NEDD9: variants seen among roughly 807,000 people sequenced by gnomAD.
The protein encoded by NEDD9 is enhancer of filamentation 1.
In NEDD9, 26 loss-of-function variants were observed where a neutral mutation model predicts 76.6. That is an observed-to-expected ratio of 0.34 (90% CI 0.25 to 0.47). NEDD9 has a LOEUF of 0.47. NEDD9 is among the 20% of genes least tolerant of loss of function. The pLI is 1.00. For missense variants in NEDD9, 937 were observed against 1,058.5 expected (o/e 0.89, Z 1.59); for synonymous variants, 392 against 414.2 (o/e 0.95, Z 0.65).
At chr6:11,228,390 C>T (rs946053344) in intron 1 of NEDD9, among the ~76,000 whole-genome samples, 139 of 152,182 alleles carry the variant, frequency 9.1e-4, no homozygotes, top group African/African-American at 3.1e-3. Context: ...CTTATCCAGG[C>T]ATGGTGGTGG....
Position 11,190,383 on chromosome 6 carries a change from G to C in NEDD9, c.1486C>G (p.His496Asp), listed in dbSNP as rs146062492. ...KRELQRVEDS[H>D]QILSQTSHDL... ...TGGCTGGTTTGACTCAGGATCTGGT[G>C]GGAGTCTTCAACTCGTTGCAGCTCC... Residue 496 changes from histidine to aspartate, a missense_variant, in exon 5 of 7, where the codon CAC becomes GAC. Physicochemically the swap from His to Asp is moderately conservative, Grantham distance 81. Transcript: ENST00000379446. This position sits in a 1 kb window ranked among gnomAD's most constrained non-coding sequence, Gnocchi z 5.8. 1.4e-5 allele frequency: 23 copies of C among 1,614,076 alleles called. No homozygotes were observed. The African/African-American group carries it at 2.7e-4, about 19-fold the overall frequency.
chr6:11,315,747 T>A (rs1761533446), intron 2 of NEDD9, among the ~76,000 whole-genome samples: 1 of 152,240 alleles, frequency 6.6e-6, no homozygotes, highest in East Asian at 1.9e-4. Context: ...TCCTTTGTTG[T>A]AAATGGGCAA....
intron 3 of NEDD9, among the ~76,000 whole-genome samples, chr6:11,303,580 C>G (rs1761107841): frequency 6.6e-6 from 1 of 152,054 alleles, no homozygotes; most frequent in African/African-American, 2.4e-5. Flanking sequence ...CTAGAGTAAC[C>G]AAAACAGCAT....
At chr6:11,225,178 T>C (rs575496850) in intron 1 of NEDD9, among the ~76,000 whole-genome samples, 1 of 152,254 alleles carries the variant, frequency 6.6e-6, no homozygotes. Flanking sequence ...TCAAATATTT[T>C]TGTTGCTTGA....
intron 2 of NEDD9, chr6:11,199,635 A>ATATTTT (rs1758379324): frequency 1.0e-5 from 1 of 99,228 alleles, no homozygotes; most frequent in Non-Finnish European, 2.1e-5. Flanking sequence ...GCTAGGAAAG[A>ATATTTT]TCTTTTTTTT....
At position 11,262,700 on chromosome 6, in the gene NEDD9, G is replaced by A. The variant is rs535556864; in HGVS notation, c.12+43292C>T. Among the ~76,000 whole-genome samples the A allele has an allele frequency of 2.2e-4, 34 of 152,282 alleles. 1 individual carries two copies. The South Asian group carries it at 6.8e-3, about 31-fold the overall frequency. ...TCAGAAAGCCAAAATAGAAAAGTCTGAGTTAAACACAGTATACATTCATTA... is the reference window on the plus strand; with the variant it reads ...TCAGAAAGCCAAAATAGAAAAGTCTAAGTTAAACACAGTATACATTCATTA... On this transcript the variant is annotated intron_variant, in intron 3 of 3. Coordinates refer to the NEDD9 transcript ENST00000397378.
chr6:11,318,438 C>T (rs1761644325), intron 2 of NEDD9, among the ~76,000 whole-genome samples: 1 of 152,058 alleles, frequency 6.6e-6, no homozygotes, highest in Non-Finnish European at 1.5e-5. Flanking sequence ...GGGGAGACGG[C>T]GGGTCACTGC....
At chr6:11,246,120 C>T (rs1466264089) in intron 3 of NEDD9, among the ~76,000 whole-genome samples, 1 of 152,144 alleles carries the variant, frequency 6.6e-6, no homozygotes, top group Non-Finnish European at 1.5e-5. Context: ...ATACTGCTAA[C>T]ACAATGATAA....
chr6:11,366,301 A>AGGAAGGAAGGAAGGAAGGAG, intron 1 of NEDD9, among the ~76,000 whole-genome samples: 1 of 128,206 alleles, frequency 7.8e-6, no homozygotes, highest in African/African-American at 2.7e-5. Flanking sequence ...GAAGGAAAGA[A>AGGAAGGAAGGAAGGAAGGAG]AGAAAGAAAG....
intron 3 of NEDD9, among the ~76,000 whole-genome samples, chr6:11,245,759 T>C (rs1759794529): frequency 1.3e-5 from 2 of 152,228 alleles, no homozygotes; most frequent in Admixed American, 1.3e-4. Context: ...GGAAATACTT[T>C]AGCACATTTT....
At chr6:11,232,466 T>G in intron 1 of NEDD9, 38 bp downstream of exon 1, 1 of 1,613,866 alleles carries the variant, frequency 6.2e-7, no homozygotes, top group South Asian at 1.1e-5. Flanking sequence ...GGCACAGCTT[T>G]CAGCTTGCAA....
intron 1 of NEDD9, among the ~76,000 whole-genome samples, chr6:11,220,944 G>T (rs1471435048): frequency 2.0e-5 from 3 of 152,194 alleles, no homozygotes; most frequent in African/African-American, 7.2e-5. Flanking sequence ...TTAGTAGGCA[G>T]ATTTGCATAT....
chr6:11,310,555 T>C (rs1386519734), intron 2 of NEDD9, among the ~76,000 whole-genome samples: 1 of 152,126 alleles, frequency 6.6e-6, no homozygotes, highest in Non-Finnish European at 1.5e-5. Context: ...TAGACCCTTG[T>C]TACTGTCAGG....
intron 2 of NEDD9, among the ~76,000 whole-genome samples, chr6:11,313,165 G>A (rs1246918809): frequency 1.3e-5 from 2 of 152,032 alleles, no homozygotes; most frequent in Non-Finnish European, 2.9e-5. Flanking sequence ...TGGTGGATGG[G>A]TAGATAGATG....
At chr6:11,352,835 T>C (rs1342642720) in intron 1 of NEDD9, 1 of 152,266 alleles carries the variant, frequency 6.6e-6, no homozygotes. Context: ...GCTTTTCTAC[T>C]TATAATCTGG....
chr6:11,347,092 G>C (rs981797319), intron 1 of NEDD9, among the ~76,000 whole-genome samples: 2 of 152,122 alleles, frequency 1.3e-5, no homozygotes, highest in African/African-American at 4.8e-5. Flanking sequence ...TCAGGTCCTT[G>C]TGTTTCCACC....
chr6:11,294,461 T>C (rs1374687413), intron 3 of NEDD9, among the ~76,000 whole-genome samples: 2 of 152,018 alleles, frequency 1.3e-5, no homozygotes, highest in Non-Finnish European at 1.5e-5. Flanking sequence ...ACTTCCCCCT[T>C]TGCTCTCTCC....
At chr6:11,254,683 G>A (rs1245700567) in intron 3 of NEDD9, among the ~76,000 whole-genome samples, 1 of 152,180 alleles carries the variant, frequency 6.6e-6, no homozygotes, top group South Asian at 2.1e-4. Flanking sequence ...TCTGGAGCAA[G>A]AGGAGAAATC....
intron 3 of NEDD9, among the ~76,000 whole-genome samples, chr6:11,282,938 TGA>T (rs1270042068): frequency 3.3e-5 from 5 of 152,288 alleles, no homozygotes; most frequent in Admixed American, 2.0e-4. Flanking sequence ...AAAGTCGTTA[TGA>T]TCACCTACAA....
Sources: gnomAD v4.1 joint callset for allele counts (sites outside exome capture counted in the v4.1 genomes callset) on GRCh38, gnomAD v4.1.1 for gene constraint, Gnocchi (gnomAD v3.1) non-coding constraint, MANE v1.5 for transcripts, NCBI Gene and HGNC (gene_info 2026-07-23, HGNC 2026-07-21) for gene names.